Variants in LAMA4 observed in about 807,000 individuals in gnomAD.
LAMA4 encodes the protein laminin subunit alpha 4.
LAMA4 carries 127 observed loss-of-function variants against 207.1 expected under a neutral mutation model. The ratio of observed to expected loss-of-function variants is 0.61; its 90% CI spans 0.53 to 0.71. The LOEUF is 0.71. LAMA4 is among the 30% of genes least tolerant of loss of function. The pLI, the probability that LAMA4 is intolerant of heterozygous loss-of-function variation, is 0.00. For synonymous variants in LAMA4, 761 were observed against 816.0 expected (o/e 0.93, Z 1.15); for missense variants, 2,093 against 2,246.5 (o/e 0.93, Z 1.38).
rs1057523170 is a variant in LAMA4 at position 112,131,090 on chromosome 6, G to A, written c.3846C>T (p.Phe1282=). The A allele has an allele frequency of 6.2e-7, 1 of 1,612,962 alleles. No homozygotes were observed. The highest frequency in any genetic ancestry group is 2.2e-5 in the East Asian group (1 of 44,856). Reference sequence around the variant, plus strand: ...CAGTACCATTATCCAGTGAGATGGAGAACACGTCTGACTGAAATGCAAGCA... The same window carrying A: ...CAGTACCATTATCCAGTGAGATGGAAAACACGTCTGACTGAAATGCAAGCA... ...LFYYASGSDV[F]SISLDNGTVI... Residue 1282 remains phenylalanine, a synonymous_variant, in exon 29 of 39, where the codon TTC becomes TTT. Transcript: ENST00000230538.
chr6:112,125,257 C>CA (rs1778621519), intron 31 of LAMA4, among the ~76,000 whole-genome samples: 5 of 152,280 alleles, frequency 3.3e-5, no homozygotes, highest in African/African-American at 1.2e-4. Flanking sequence ...GTATAATTAA[C>CA]ATAATGCCCT....
At chr6:112,164,741 A>G (rs1260035437) in intron 13 of LAMA4, among the ~76,000 whole-genome samples, 4 of 152,188 alleles carry the variant, frequency 2.6e-5, no homozygotes, top group Admixed American at 2.0e-4. Context: ...TGAATGCCAG[A>G]TTTATCAAAC....
At chr6:112,161,653 A>G (rs1781058389) in intron 13 of LAMA4, among the ~76,000 whole-genome samples, 4 of 152,198 alleles carry the variant, frequency 2.6e-5, no homozygotes, top group Admixed American at 2.6e-4. Flanking sequence ...GTGATCAAAC[A>G]AGCAAACAAG....
At chr6:112,165,122 T>C (rs1554339503) in intron 13 of LAMA4, 38 bp downstream of exon 13, 1 of 1,158,608 alleles carries the variant, frequency 8.6e-7, no homozygotes, top group Non-Finnish European at 1.3e-6. Flanking sequence ...TGTAACCTGC[T>C]GGAAATACAA....
intron 31 of LAMA4, among the ~76,000 whole-genome samples, chr6:112,122,442 G>A (rs1431106059): frequency 6.6e-6 from 1 of 152,124 alleles, no homozygotes; most frequent in Non-Finnish European, 1.5e-5. Flanking sequence ...CCGCATGGTA[G>A]TAAAGCAAAG....
chr6:112,187,667 G>A (rs1259142948), intron 7 of LAMA4, 66 bp from the exon 8 acceptor site: 1 of 1,472,030 alleles, frequency 6.8e-7, no homozygotes, highest in African/African-American at 1.4e-5. Context: ...CGTTTTAGCA[G>A]AACATAAATC....
chr6:112,185,785 A>G (rs1554346488), intron 8 of LAMA4, among the ~76,000 whole-genome samples: 2 of 152,050 alleles, frequency 1.3e-5, no homozygotes, highest in Admixed American at 1.3e-4. Context: ...TTTATTTCAG[A>G]CCCCTGGCTT....
intron 3 of LAMA4, chr6:112,213,827 C>A: frequency 2.4e-6 from 1 of 410,956 alleles, no homozygotes; most frequent in Non-Finnish European, 4.3e-6. Context: ...GTCTTATATG[C>A]CTTCAAGATA....
chr6:112,150,228 CACACACAG>C lies in LAMA4; in HGVS notation c.2173+275_2173+282del, dbSNP rs1273654084. ...ACACACACACACACACACACACACA[CACACACAG>C]ACACACACAGACACACACACACAGA... On this transcript the variant is annotated intron_variant, in intron 17 of 38. Coordinates refer to ENST00000230538, the MANE Select transcript of LAMA4 (RefSeq NM_001105206.3). Among the ~76,000 whole-genome samples the C allele has an allele frequency of 0.016, 2,404 of 146,064 alleles. 76 individuals are homozygous for C. The highest frequency in any genetic ancestry group is 0.063 in the African/African-American group (2,302 of 36,262).
intron 17 of LAMA4, among the ~76,000 whole-genome samples, chr6:112,148,592 A>T (rs986597255): frequency 5.3e-5 from 8 of 152,218 alleles, no homozygotes; most frequent in Non-Finnish European, 1.0e-4. Flanking sequence ...TTAACTCATA[A>T]GAGGTTTGTG....
chr6:112,120,587 C>T lies in LAMA4; in HGVS notation c.4476-115G>A, dbSNP rs587645100. ...TAAACAAGTAGCCATTCTATCTAAT[C>T]CCAAGCAACATTATTCCACACTTAG... On this transcript the variant is annotated intron_variant, in intron 32 of 38. Transcript: ENST00000230538. 127 of 785,430 alleles carry T rather than the reference C, an allele frequency of 1.6e-4. No homozygotes were observed. The South Asian group carries it at 1.9e-3, about 12-fold the overall frequency. 48.7% of individuals were successfully genotyped at this position (785,430 alleles called of 1,614,324 possible). A position where few individuals can be genotyped will look rare whatever the true frequency, so the allele number is the denominator to read the frequency against.
At chr6:112,207,794 G>A (rs1784150151) in intron 3 of LAMA4, among the ~76,000 whole-genome samples, 1 of 152,086 alleles carries the variant, frequency 6.6e-6, no homozygotes, top group Non-Finnish European at 1.5e-5. Flanking sequence ...CTTCTGTCTG[G>A]AATGCCATTC....
chr6:112,129,476 T>C (rs191842250), intron 30 of LAMA4, among the ~76,000 whole-genome samples: 159 of 152,314 alleles, frequency 1.0e-3, no homozygotes, highest in African/African-American at 3.7e-3. Context: ...TTAAGAGTTT[T>C]GTAAACCTCT....
In LAMA4 at chr6:112,134,948, A is replaced by ATTT. The variant is rs1562645777; in HGVS notation, c.3415-340_3415-339insAAA. On this transcript the variant is annotated intron_variant, in intron 25 of 38. Coordinates refer to ENST00000230538, the MANE Select transcript of LAMA4 (RefSeq NM_001105206.3). ...GGTGCCACCATTCTCTTTTTTTTTAAAAAAACAACTTTATTCAAGTCTAGT... is the reference window on the plus strand; with the variant it reads ...GGTGCCACCATTCTCTTTTTTTTTAATTTAAAAACAACTTTATTCAAGTCTAGT... 4.4e-3 allele frequency among the ~76,000 whole-genome samples: 659 copies of ATTT among 150,766 alleles called. 4 individuals carry two copies. Among genetic ancestry groups the ATTT allele is most frequent in the African/African-American group, 0.013 (516 of 41,138 alleles).
chr6:112,235,639 A>C (rs1281935360), intron 2 of LAMA4, among the ~76,000 whole-genome samples: 1 of 152,238 alleles, frequency 6.6e-6, no homozygotes, highest in Non-Finnish European at 1.5e-5. Context: ...ATTAATTCTT[A>C]AACTTTTAAA....
At chr6:112,204,539 A>G (rs1783943330) in intron 4 of LAMA4, among the ~76,000 whole-genome samples, 1 of 136,846 alleles carries the variant, frequency 7.3e-6, no homozygotes, top group Admixed American at 6.8e-5. Context: ...ATGAGGCTAC[A>G]CAACATGTTT....
intron 4 of LAMA4, among the ~76,000 whole-genome samples, chr6:112,206,716 G>A (rs1246982088): frequency 1.3e-5 from 2 of 152,122 alleles, no homozygotes; most frequent in Admixed American, 1.3e-4. Context: ...ATTGCTCTAG[G>A]TCAAGAGAAA....
chr6:112,132,660 T>C (rs1779105142), intron 28 of LAMA4, 93 bp downstream of exon 28: 6 of 1,221,652 alleles, frequency 4.9e-6, no homozygotes, highest in African/African-American at 1.5e-5. Context: ...TTAATCTGAA[T>C]AGAAAATCAC....
intron 2 of LAMA4, among the ~76,000 whole-genome samples, chr6:112,222,756 C>T (rs1032771285): frequency 3.3e-5 from 5 of 152,204 alleles, no homozygotes; most frequent in Non-Finnish European, 7.3e-5. Context: ...TAGATACCAA[C>T]AGCCTTGGCG....
Sources: allele counts gnomAD v4.1 joint callset (sites outside exome capture counted in the v4.1 genomes callset), GRCh38; gene constraint gnomAD v4.1.1; transcripts MANE v1.5; gene names NCBI Gene and HGNC (gene_info 2026-07-23, HGNC 2026-07-21).